CHUK: variants seen among roughly 807,000 people sequenced by gnomAD.
CHUK encodes the protein inhibitor of nuclear factor kappa-B kinase subunit alpha.
In CHUK, 35 loss-of-function variants were observed where a neutral mutation model predicts 104.8. The observed-to-expected ratio is 0.33, with a 90% CI of 0.26 to 0.44. CHUK has a LOEUF of 0.44. Ranked by LOEUF, CHUK falls within the 20% of genes least tolerant of loss-of-function variation. The probability of loss-of-function intolerance (pLI) is 1.00; values close to 1 mark genes in which losing one functional copy is unlikely to be tolerated. For missense variants in CHUK, 663 were observed against 902.7 expected, an observed-to-expected ratio of 0.73 and a Z score of 3.40; for synonymous variants, 276 against 291.9, an observed-to-expected ratio of 0.95 and a Z score of 0.56.
intron 11 of CHUK, among the ~76,000 whole-genome samples, chr10:100,205,755 C>T (rs1845574310): frequency 1.3e-5 from 2 of 152,190 alleles, no homozygotes; most frequent in African/African-American, 2.4e-5. Flanking sequence ...CGGTGAAACC[C>T]TGTCTCTACT....
chr10:100,209,491 A>C (rs1845670831), intron 10 of CHUK, 104 bp downstream of exon 10: 1 of 738,294 alleles, frequency 1.4e-6, no homozygotes, highest in Non-Finnish European at 2.4e-6. Flanking sequence ...ACCAAAACAA[A>C]ATGTGCGGCC....
At chr10:100,226,098 C>T in intron 1 of CHUK, 81 bp from the exon 2 acceptor site, 1 of 840,402 alleles carries the variant, frequency 1.2e-6, no homozygotes, top group Non-Finnish European at 2.0e-6. Flanking sequence ...TAACTTAAGA[C>T]AACAAAACTT....
At chr10:100,223,962 C>G (rs1287879046) in intron 2 of CHUK, among the ~76,000 whole-genome samples, 1 of 152,210 alleles carries the variant, frequency 6.6e-6, no homozygotes, top group African/African-American at 2.4e-5. Context: ...ACTCTCCTCC[C>G]CTTGAATGTA....
intron 13 of CHUK, among the ~76,000 whole-genome samples, chr10:100,203,852 G>T (rs1399174388): frequency 6.6e-6 from 1 of 152,108 alleles, no homozygotes; most frequent in East Asian, 1.9e-4. Flanking sequence ...TCCCCTGGTT[G>T]TCTTAGTCCA....
At position 100,205,059 on chromosome 10, in the gene CHUK, C is replaced by T; in HGVS notation, c.1355+17G>A. ...ATGCACATTGCATTGTGCTTATAAA[C>T]AACAGAATCCACTTACATTGCTGCC... On this transcript the variant is annotated intron_variant, in intron 12 of 20. Coordinates refer to ENST00000370397, the MANE Select transcript of CHUK (RefSeq NM_001278.5). 6.2e-7 allele frequency: 1 copy of T among 1,613,986 alleles called. No homozygotes were observed.
chr10:100,215,537 A>G (rs1312578424), intron 9 of CHUK, among the ~76,000 whole-genome samples: 1 of 152,218 alleles, frequency 6.6e-6, no homozygotes, highest in Non-Finnish European at 1.5e-5. Context: ...AAAAAAAATA[A>G]TAATTAAATG....
chr10:100,203,415 A>T (rs1845515552), intron 13 of CHUK, among the ~76,000 whole-genome samples: 1 of 151,652 alleles, frequency 6.6e-6, no homozygotes, highest in Non-Finnish European at 1.5e-5. Flanking sequence ...ATAATATACA[A>T]ATAGAAATAA....
At chr10:100,194,715 A>T in intron 16 of CHUK, 194 bp from the exon 17 acceptor site, 2 of 449,262 alleles carry the variant, frequency 4.5e-6, no homozygotes, top group Non-Finnish European at 8.0e-6. Flanking sequence ...TATATAAAAA[A>T]TAAAGTTTGC....
intron 1 of CHUK, among the ~76,000 whole-genome samples, chr10:100,227,936 A>G (rs1447746811): frequency 6.6e-6 from 1 of 152,172 alleles, no homozygotes; most frequent in Non-Finnish European, 1.5e-5. Context: ...ATCTTGTCCC[A>G]TATGTTGTTC....
rs1273816202 is a variant in CHUK at position 100,190,915 on chromosome 10, C to T, written c.2162G>A (p.Ser721Asn). The T allele has an allele frequency of 6.2e-7, 1 of 1,612,774 alleles. No individual in the cohort carries two copies. Among genetic ancestry groups the T allele is most frequent in the East Asian group, 2.2e-5 (1 of 44,886 alleles). The change falls in exon 20 of 21, where the codon AGC (serine) becomes AAC (asparagine). Residue 721 changes from serine to asparagine, a missense_variant. By Grantham distance (46) the Ser-to-Asn change is conservative. Around this residue, in one of 5 missense-constraint regions of CHUK, gnomAD observed 311 missense variants for 393.4 expected, o/e 0.79. Transcript: ENST00000370397. Reference protein sequence around the residue: ...EENLNCLGHLSTIIHEANEEQ... With the variant: ...EENLNCLGHLNTIIHEANEEQ... ...CTCATTTGCCTCATGAATAATAGTG[C>T]TTAAATGGCCAAGGCAGTTCAAATT...
intron 9 of CHUK, among the ~76,000 whole-genome samples, chr10:100,216,232 T>C (rs1564838891): frequency 1.3e-5 from 2 of 152,182 alleles, no homozygotes; most frequent in African/African-American, 4.8e-5. Context: ...CGAGATGTGG[T>C]TCATTCACAG....
chr10:100,198,367 TAAATA>T (rs1465074413), intron 16 of CHUK, among the ~76,000 whole-genome samples: 1 of 152,250 alleles, frequency 6.6e-6, no homozygotes, highest in Non-Finnish European at 1.5e-5. Context: ...CGTTGAGATT[TAAATA>T]AAATAATATT....
chr10:100,205,330 TA>T, intron 11 of CHUK, 131 bp from the exon 12 acceptor site: 1 of 946,332 alleles, frequency 1.1e-6, no homozygotes. Context: ...AAACTGATGC[TA>T]AAAGAACCAC....
At chr10:100,215,214 C>CAA (rs913817319) in intron 9 of CHUK, among the ~76,000 whole-genome samples, 1,688 of 51,386 alleles carry the variant, frequency 0.033, 72 homozygotes, top group African/African-American at 0.075. Flanking sequence ...GGCTCCATAT[C>CAA]AAAAAAAAAA....
In CHUK at chr10:100,212,210, C is replaced by A. The variant is rs188260419; in HGVS notation, c.934-2421G>T. Among the ~76,000 whole-genome samples, 236 of 152,196 alleles carry A rather than the reference C, an allele frequency of 1.6e-3. 1 individual carries two copies. Among genetic ancestry groups the A allele is most frequent in the Non-Finnish European group, 2.0e-3 (137 of 67,994 alleles). On this transcript the variant is annotated intron_variant, in intron 9 of 20. Transcript: ENST00000370397. ...TAGTTCTATTTTTAATTTTGAGGAA[C>A]CTTTGTACTGTTTCCCACAATAGCT... is the stretch of plus-strand genomic sequence containing the variant.
In CHUK at chr10:100,202,438, A is replaced by AGAATG. The variant is rs760448211; in HGVS notation, c.1508-294_1508-290dup. On this transcript the variant is annotated intron_variant, in intron 13 of 20. Coordinates refer to ENST00000370397, the MANE Select transcript of CHUK (RefSeq NM_001278.5). ...GACACAGGATACAGATACACAGGGG[A>AGAATG]GAATGCTCTGTGACAATGGAGACAG... is the stretch of plus-strand genomic sequence containing the variant. Among the ~76,000 whole-genome samples, 18 of 152,308 alleles carry AGAATG rather than the reference A, an allele frequency of 1.2e-4. 1 individual carries two copies. In the East Asian group the frequency reaches 1.5e-3, roughly 13 times the overall value.
intron 1 of CHUK, among the ~76,000 whole-genome samples, chr10:100,227,640 T>G (rs1023444173): frequency 6.6e-6 from 1 of 152,076 alleles, no homozygotes; most frequent in Admixed American, 6.5e-5. Context: ...AATGCCTTAG[T>G]CCTTCACCTT....
chr10:100,194,120 C>T lies in CHUK; in HGVS notation c.1838G>A (p.Gly613Asp), dbSNP rs1240546455. The change falls in exon 18 of 21, where the codon GGC becomes GAC. Residue 613 changes from glycine (G) to aspartate (D), a missense_variant. Coordinates refer to ENST00000370397, the MANE Select transcript of CHUK (RefSeq NM_001278.5). ...TAGATCAATAATCTTCTGCTTACAG[C>T]CCAACAACTTGCTGGAGAGATTAAA... ...ELFGHLSKLL[G>D]CKQKIIDLLP... The T allele has an allele frequency of 1.9e-6, 3 of 1,613,538 alleles. No individual in the cohort carries two copies. Among genetic ancestry groups the T allele is most frequent in the South Asian group, 2.2e-5 (2 of 91,078 alleles).
Position 100,190,904 on chromosome 10 carries a change from G to A in CHUK, c.2173C>T (p.His725Tyr). Residue 725 changes from histidine (H) to tyrosine (Y), a missense_variant, in exon 20 of 21, where the codon CAT becomes TAT. Physicochemically the swap from His to Tyr is moderately conservative, Grantham distance 83. This residue lies in a region of CHUK where 311 missense variants were observed against 393.4 expected (regional missense o/e 0.79). Transcript: ENST00000370397. Reference protein sequence around the residue: ...NCLGHLSTIIHEANEEQGNSM... With the variant: ...NCLGHLSTIIYEANEEQGNSM... ...TTGCCCTGTTCCTCATTTGCCTCAT[G>A]AATAATAGTGCTTAAATGGCCAAGG... The A allele has an allele frequency of 3.7e-6, 6 of 1,611,722 alleles. No homozygotes were observed. The highest frequency in any genetic ancestry group is 5.1e-6 in the Non-Finnish European group (6 of 1,177,788).
Sources: gnomAD v4.1 joint callset for allele counts (sites outside exome capture counted in the v4.1 genomes callset) on GRCh38, gnomAD v4.1.1 for gene constraint, gnomAD v4.1.1 regional missense constraint, MANE v1.5 for transcripts, NCBI Gene and HGNC (gene_info 2026-07-23, HGNC 2026-07-21) for gene names.